Variants in STOX1 observed in about 807,000 individuals in gnomAD.
STOX1 encodes the protein storkhead box 1.
In STOX1, 57 loss-of-function variants were observed where a neutral mutation model predicts 74.8. The observed-to-expected ratio is 0.76, with a 90% CI of 0.62 to 0.95. The LOEUF (loss-of-function observed/expected upper bound fraction) is 0.95, where lower values mean the gene tolerates loss of function less well. Ranked by LOEUF, STOX1 falls within the 40% of genes least tolerant of loss-of-function variation. STOX1 has a pLI of 0.00. For missense variants in STOX1, 1,010 were observed against 1,117.0 expected, an observed-to-expected ratio of 0.90 and a Z score of 1.37; for synonymous variants, 375 against 401.3, an observed-to-expected ratio of 0.93 and a Z score of 0.78.
chr10:68,890,808 G>A (rs1841081679), intron 3 of STOX1, among the ~76,000 whole-genome samples: 1 of 151,710 alleles, frequency 6.6e-6, no homozygotes, highest in Admixed American at 6.6e-5. Flanking sequence ...ACGCCACCAC[G>A]CCCAGCTAAT....
chr10:68,833,838 G>T lies in STOX1; in HGVS notation c.310+5905G>T, dbSNP rs536652415. 1.3e-3 allele frequency among the ~76,000 whole-genome samples: 205 copies of T among 152,242 alleles called. 1 individual carries two copies. Among genetic ancestry groups the T allele is most frequent in the Non-Finnish European group, 1.4e-3 (98 of 68,026 alleles). ...AGGGTCTGTCTCTCTTCTCTTACTG[G>T]CGTGAGCCATTGCACCCGGCCCGCT... is the stretch of plus-strand genomic sequence containing the variant. On this transcript the variant is annotated intron_variant, in intron 1 of 3. Transcript: ENST00000298596.
intron 1 of STOX1, among the ~76,000 whole-genome samples, chr10:68,851,621 A>G (rs1264223774): frequency 1.3e-5 from 2 of 152,070 alleles, no homozygotes; most frequent in Non-Finnish European, 2.9e-5. Context: ...CAGGTGGATC[A>G]TTTGAGGTCA....
intron 1 of STOX1, among the ~76,000 whole-genome samples, chr10:68,878,720 A>G (rs1371336439): frequency 1.3e-5 from 2 of 152,186 alleles, no homozygotes; most frequent in African/African-American, 4.8e-5. Context: ...CAATAAGAAT[A>G]CAGTACTGGC....
chr10:68,876,444 C>T (rs1840681016), intron 1 of STOX1, among the ~76,000 whole-genome samples: 1 of 152,062 alleles, frequency 6.6e-6, no homozygotes, highest in South Asian at 2.1e-4. Context: ...GCATGAGCCA[C>T]CACACCTGGC....
intron 1 of STOX1, among the ~76,000 whole-genome samples, chr10:68,856,189 T>C (rs1336053078): frequency 6.6e-6 from 1 of 151,766 alleles, no homozygotes; most frequent in Non-Finnish European, 1.5e-5. Context: ...GGATTAGAGG[T>C]GTGAGCCACT....
intron 1 of STOX1, among the ~76,000 whole-genome samples, chr10:68,841,479 T>A (rs916582211): frequency 1.3e-5 from 2 of 152,208 alleles, no homozygotes; most frequent in Admixed American, 6.5e-5. Flanking sequence ...GATAGACATA[T>A]CTGCCTCCAT....
chr10:68,859,103 G>A (rs1417941), intron 1 of STOX1, among the ~76,000 whole-genome samples: 42,355 of 151,886 alleles, frequency 0.28, 6,467 homozygotes, highest in African/African-American at 0.38. Flanking sequence ...GGGATTGCCT[G>A]CTTCTGAAAT....
Position 68,886,155 on chromosome 10 carries a change from G to A in STOX1, c.2359G>A (p.Glu787Lys). The A allele has an allele frequency of 6.2e-7, 1 of 1,614,184 alleles. No homozygotes were observed. The highest frequency in any genetic ancestry group is 1.1e-5 in the South Asian group (1 of 91,078). Residue 787 changes from glutamate (E) to lysine (K), a missense_variant, in exon 3 of 4, where the codon GAG becomes AAG. Transcript: ENST00000298596. ...TCTGACCGAGTACAACAGCACAATGGAGAGGGTTGAGTCTCAGGTGCTTAA... is the reference window on the plus strand; with the variant it reads ...TCTGACCGAGTACAACAGCACAATGAAGAGGGTTGAGTCTCAGGTGCTTAA... ...RSLTEYNSTM[E>K]RVESQVLKRN...
At chr10:68,887,698 A>G (rs755475169) in intron 3 of STOX1, among the ~76,000 whole-genome samples, 1 of 149,690 alleles carries the variant, frequency 6.7e-6, no homozygotes, top group Non-Finnish European at 1.5e-5. Context: ...GGTTCAAGCA[A>G]TTCTCCCACT....
chr10:68,833,983 C>T (rs766665806), intron 1 of STOX1, among the ~76,000 whole-genome samples: 4 of 152,192 alleles, frequency 2.6e-5, no homozygotes, highest in Non-Finnish European at 4.4e-5. Context: ...GTTCTGGAAA[C>T]TGGCTGGTTC....
chr10:68,835,243 T>C (rs529884697), intron 1 of STOX1, among the ~76,000 whole-genome samples: 6 of 152,176 alleles, frequency 3.9e-5, no homozygotes, highest in African/African-American at 1.4e-4. Context: ...GGTTTCACCA[T>C]GTTGGCCAGG....
intron 1 of STOX1, among the ~76,000 whole-genome samples, chr10:68,846,127 T>TATTATTATC (rs1554827719): frequency 2.1e-5 from 2 of 95,614 alleles, no homozygotes; most frequent in Non-Finnish European, 4.4e-5. Flanking sequence ...TTTTTATTAT[T>TATTATTATC]ATTATTATTA....
At chr10:68,832,012 C>A (rs570769877) in intron 1 of STOX1, among the ~76,000 whole-genome samples, 6 of 151,636 alleles carry the variant, frequency 4.0e-5, no homozygotes, top group African/African-American at 1.5e-4. Context: ...GGATCCTCCC[C>A]CCTCGGCCTC....
intron 1 of STOX1, among the ~76,000 whole-genome samples, chr10:68,872,167 G>C (rs1301019600): frequency 6.6e-6 from 1 of 152,022 alleles, no homozygotes; most frequent in Non-Finnish European, 1.5e-5. Context: ...AGTTGAGTTA[G>C]AGCAGCTCTG....
intron 2 of STOX1, among the ~76,000 whole-genome samples, chr10:68,882,517 A>C (rs1161296872): frequency 7.1e-6 from 1 of 141,240 alleles, no homozygotes; most frequent in Non-Finnish European, 1.5e-5. Context: ...TTTTTTTTTG[A>C]GACAGAATCT....
intron 2 of STOX1, 67 bp from the exon 3 acceptor site, chr10:68,884,193 T>TTAC (rs1840877130): frequency 7.3e-7 from 1 of 1,378,080 alleles, no homozygotes; most frequent in East Asian, 2.3e-5. Context: ...CATTTCAGAG[T>TTAC]TACTGATTTC....
intron 1 of STOX1, among the ~76,000 whole-genome samples, chr10:68,838,053 C>T (rs545944739): frequency 2.0e-5 from 3 of 150,820 alleles, no homozygotes; most frequent in South Asian, 4.2e-4. Flanking sequence ...GTTTTCATTT[C>T]GTTTCTTTTT....
intron 3 of STOX1, among the ~76,000 whole-genome samples, chr10:68,888,985 C>G (rs906648387): frequency 4.0e-5 from 6 of 151,062 alleles, no homozygotes; most frequent in African/African-American, 7.3e-5. Context: ...GTAAGTTGCT[C>G]TGTTGTTTTT....
At chr10:68,831,150 A>G (rs73266424) in intron 1 of STOX1, among the ~76,000 whole-genome samples, 2,400 of 152,276 alleles carry the variant, frequency 0.016, 70 homozygotes, top group African/African-American at 0.054. Context: ...AAGGACAAAA[A>G]GAGTCAATCT....
Sources: gnomAD v4.1 joint callset for allele counts (sites outside exome capture counted in the v4.1 genomes callset) on GRCh38, gnomAD v4.1.1 for gene constraint, MANE v1.5 for transcripts, NCBI Gene and HGNC (gene_info 2026-07-23, HGNC 2026-07-21) for gene names.